STAG1: variants seen among roughly 807,000 people sequenced by gnomAD.
The protein encoded by STAG1 is cohesin subunit SA-1.
Under a neutral mutation model 170.9 loss-of-function variants are expected in STAG1, and 26 were observed. The observed-to-expected ratio is 0.15, with a 90% CI of 0.11 to 0.21. STAG1 has a LOEUF of 0.21. Ranked by LOEUF, STAG1 falls within the 10% of genes least tolerant of loss-of-function variation. The pLI is 1.00. For synonymous variants in STAG1, 514 were observed against 497.7 expected (o/e 1.03, Z -0.44); for missense variants, 964 against 1,509.5 (o/e 0.64, Z 5.99).
intron 1 of STAG1, chr3:136,721,558 TTAAA>T (rs1933269168): frequency 6.6e-6 from 1 of 152,148 alleles, no homozygotes; most frequent in African/African-American, 2.4e-5. Flanking sequence ...AGGGGTGAAG[TTAAA>T]TAATTTGGTT....
chr3:136,370,892 A>G (rs139073443), intron 23 of STAG1, among the ~76,000 whole-genome samples: 5,648 of 152,262 alleles, frequency 0.037, 129 homozygotes, highest in Non-Finnish European at 0.057. Context: ...GGGATGGCTG[A>G]GTCAAATGGT....
chr3:136,635,009 G>A (rs1940496716), intron 1 of STAG1, among the ~76,000 whole-genome samples: 1 of 152,066 alleles, frequency 6.6e-6, no homozygotes, highest in Non-Finnish European at 1.5e-5. Flanking sequence ...ATCTCCCCAG[G>A]AAGAAAAGCC....
chr3:136,702,121 G>C (rs1943095191), intron 1 of STAG1, among the ~76,000 whole-genome samples: 1 of 66,666 alleles, frequency 1.5e-5, no homozygotes, highest in East Asian at 2.5e-4. Context: ...GAGAGAGAGA[G>C]ACAGAGAGAC....
chr3:136,566,611 C>T (rs577870770), intron 5 of STAG1, among the ~76,000 whole-genome samples: 3 of 152,026 alleles, frequency 2.0e-5, no homozygotes, highest in South Asian at 4.2e-4. Flanking sequence ...AAGACTAATC[C>T]AAAATCTTAA....
intron 9 of STAG1, among the ~76,000 whole-genome samples, chr3:136,493,083 C>A (rs1220129449): frequency 6.6e-6 from 1 of 152,184 alleles, no homozygotes; most frequent in African/African-American, 2.4e-5. Flanking sequence ...ATAGTTCACA[C>A]CTAATCACAG....
chr3:136,446,512 T>C (rs1463055456), intron 14 of STAG1, among the ~76,000 whole-genome samples: 5 of 151,450 alleles, frequency 3.3e-5, no homozygotes, highest in African/African-American at 4.9e-5. Context: ...AACCTCCGCC[T>C]CCCAGGTTCA....
intron 13 of STAG1, among the ~76,000 whole-genome samples, chr3:136,454,388 G>GTT (rs199698105): frequency 2.7e-5 from 4 of 149,908 alleles, no homozygotes; most frequent in Admixed American, 1.3e-4. Context: ...CTTATTTTAT[G>GTT]TTTTTTTTGA....
intron 1 of STAG1, among the ~76,000 whole-genome samples, chr3:136,746,499 C>G (rs1392731210): frequency 6.6e-6 from 1 of 152,052 alleles, no homozygotes; most frequent in Non-Finnish European, 1.5e-5. Flanking sequence ...GTTGGACAAG[C>G]TTGCTTTAAA....
At chr3:136,362,412 C>CT (rs200673600) in intron 26 of STAG1, among the ~76,000 whole-genome samples, 141 of 150,558 alleles carry the variant, frequency 9.4e-4, no homozygotes, top group African/African-American at 3.1e-3. Flanking sequence ...CCATCTGTCA[C>CT]TTTTTTTTTA....
chr3:136,371,790 G>A (rs1937353164), intron 23 of STAG1, among the ~76,000 whole-genome samples: 1 of 152,190 alleles, frequency 6.6e-6, no homozygotes, highest in South Asian at 2.1e-4. Flanking sequence ...CAGGTAGCAT[G>A]ATGCCTCCAG....
rs147112608 is a variant in STAG1, at chr3:136,473,107, A to G, written c.1125+432T>C. Among the ~76,000 whole-genome samples, 325 of 152,260 alleles carry G rather than the reference A, an allele frequency of 2.1e-3. 2 individuals carry two copies. Among genetic ancestry groups the G allele is most frequent in the Non-Finnish European group, 1.5e-3 (101 of 68,022 alleles). On this transcript the variant is annotated intron_variant, in intron 11 of 33. Transcript: ENST00000383202. ...AACAGGAACATGAACCCTACTGTGA[A>G]CTGCGCATGCAAGGGATCTACGTTG...
chr3:136,538,864 G>A (rs1171665466), intron 6 of STAG1, among the ~76,000 whole-genome samples: 4 of 152,222 alleles, frequency 2.6e-5, no homozygotes, highest in African/African-American at 4.8e-5. Flanking sequence ...GGCTGGGAGC[G>A]GTGCTCACGC....
chr3:136,725,986 TAAG>T (rs1289339222), intron 1 of STAG1, among the ~76,000 whole-genome samples: 6 of 152,164 alleles, frequency 3.9e-5, no homozygotes, highest in Non-Finnish European at 8.8e-5. Flanking sequence ...ACATACAGAA[TAAG>T]AACACTTCTC....
chr3:136,623,274 G>A (rs200992196), intron 2 of STAG1, 26 bp from the exon 3 acceptor site: 40 of 1,591,494 alleles, frequency 2.5e-5, no homozygotes, highest in Middle Eastern at 3.4e-4. Flanking sequence ...TTATTTTAGC[G>A]AACAAATTAA....
chr3:136,436,154 C>T (rs1332239862), intron 15 of STAG1, among the ~76,000 whole-genome samples: 2 of 152,070 alleles, frequency 1.3e-5, no homozygotes, highest in Non-Finnish European at 2.9e-5. Context: ...CGGGGTTTCA[C>T]CATGATGGCC....
chr3:136,613,760 T>C (rs551532173), intron 3 of STAG1, among the ~76,000 whole-genome samples: 1 of 152,308 alleles, frequency 6.6e-6, no homozygotes, highest in Admixed American at 6.5e-5. Context: ...AGTGCTAGAA[T>C]TACAGGTGTG....
chr3:136,528,041 C>A (rs1935150912), intron 6 of STAG1, among the ~76,000 whole-genome samples: 1 of 152,168 alleles, frequency 6.6e-6, no homozygotes, highest in Non-Finnish European at 1.5e-5. Context: ...CAGGGACCCA[C>A]CTGAGGAGGC....
At chr3:136,666,312 A>G (rs112608528) in intron 1 of STAG1, among the ~76,000 whole-genome samples, 177 of 152,156 alleles carry the variant, frequency 1.2e-3, no homozygotes, top group African/African-American at 2.5e-3. Flanking sequence ...TGGTCTTATA[A>G]GACTCTTAAG....
chr3:136,691,761 T>A (rs1010381349), intron 1 of STAG1, among the ~76,000 whole-genome samples: 6 of 152,232 alleles, frequency 3.9e-5, no homozygotes, highest in Admixed American at 3.9e-4. Context: ...CGCAGCTAGA[T>A]GTTTTAATAA....
Sources: allele counts gnomAD v4.1 joint callset (sites outside exome capture counted in the v4.1 genomes callset), GRCh38; gene constraint gnomAD v4.1.1; transcripts MANE v1.5; gene names NCBI Gene and HGNC (gene_info 2026-07-23, HGNC 2026-07-21).